CTNNA3: variants seen among roughly 807,000 people sequenced by gnomAD.
CTNNA3 encodes catenin alpha 3, also known as catenin alpha-3.
Under a neutral mutation model 95.7 loss-of-function variants are expected in CTNNA3, and 76 were observed. That is an observed-to-expected ratio of 0.79 (90% CI 0.66 to 0.96). The LOEUF (loss-of-function observed/expected upper bound fraction) is 0.96, where lower values mean the gene tolerates loss of function less well. Among genes scored for constraint, CTNNA3 ranks in the 40% least tolerant of loss-of-function variants. The pLI, the probability that CTNNA3 is intolerant of heterozygous loss-of-function variation, is 0.00. For synonymous variants in CTNNA3, 431 were observed against 374.4 expected, an observed-to-expected ratio of 1.15 and a Z score of -1.74; for missense variants, 1,191 against 1,089.8, an observed-to-expected ratio of 1.09 and a Z score of -1.31.
intron 12 of CTNNA3, among the ~76,000 whole-genome samples, chr10:66,321,157 T>C (rs539684455): frequency 1.3e-5 from 2 of 152,110 alleles, no homozygotes; most frequent in Admixed American, 1.3e-4. Context: ...ACTCAACTGA[T>C]CAATGATTTT....
chr10:66,093,954 A>G (rs2081300875), intron 14 of CTNNA3, among the ~76,000 whole-genome samples: 1 of 152,122 alleles, frequency 6.6e-6, no homozygotes, highest in South Asian at 2.1e-4. Flanking sequence ...GTGCTAAAAG[A>G]AGACAACATG....
At chr10:67,718,829 G>T (rs1841160888) in intron 1 of CTNNA3, among the ~76,000 whole-genome samples, 1 of 152,190 alleles carries the variant, frequency 6.6e-6, no homozygotes, top group South Asian at 2.1e-4. Context: ...AAATGAGTTA[G>T]GGAGGAGTGC....
At chr10:67,735,466 A>C (rs1841297732) in intron 1 of CTNNA3, among the ~76,000 whole-genome samples, 1 of 152,126 alleles carries the variant, frequency 6.6e-6, no homozygotes, top group Non-Finnish European at 1.5e-5. Flanking sequence ...AAAAACAAAA[A>C]ACTCAGATCA....
At chr10:66,548,082 C>G (rs532415157) in intron 10 of CTNNA3, among the ~76,000 whole-genome samples, 1 of 151,814 alleles carries the variant, frequency 6.6e-6, no homozygotes, top group African/African-American at 2.4e-5. Context: ...TGTCCGGCTC[C>G]CATTTTGTAT....
rs1278727121 is a variant in CTNNA3 at position 67,440,286 on chromosome 10, T to C, written c.579+81556A>G. ...AAGTGGAGGGAAGAGTGGGAAGGAC[T>C]TTGTCTTGTGGTTTGAGGGCAAGCT... On this transcript the variant is annotated intron_variant, in intron 5 of 17. Transcript: ENST00000433211. 2.6e-5 allele frequency among the ~76,000 whole-genome samples: 4 copies of C among 152,208 alleles called. No individual in the cohort carries two copies. In the East Asian group the frequency reaches 7.7e-4, roughly 29 times the overall value.
chr10:66,391,370 G>A (rs2092932547), intron 11 of CTNNA3, among the ~76,000 whole-genome samples: 1 of 152,044 alleles, frequency 6.6e-6, no homozygotes, highest in Admixed American at 6.6e-5. Context: ...GTCTTAAGTA[G>A]GCTCTTGTAA....
At chr10:66,556,851 G>A (rs975444011) in intron 10 of CTNNA3, among the ~76,000 whole-genome samples, 1 of 152,006 alleles carries the variant, frequency 6.6e-6, no homozygotes, top group African/African-American at 2.4e-5. Context: ...AAAAATTTCT[G>A]AGAGAATAGA....
intron 5 of CTNNA3, among the ~76,000 whole-genome samples, chr10:67,462,905 T>C (rs1847436618): frequency 6.8e-6 from 1 of 146,822 alleles, no homozygotes; most frequent in South Asian, 2.2e-4. Context: ...ATTTTTTTTC[T>C]TTTTCTTTTT....
Position 65,913,393 on chromosome 10 carries a change from T to C in CTNNA3, c.*6937A>G, listed in dbSNP as rs994830948. 1.3e-5 allele frequency: 2 copies of C among 152,188 alleles called. No homozygotes were observed. The highest frequency in any genetic ancestry group is 4.8e-5 in the African/African-American group (2 of 41,452). 9.4% of individuals were successfully genotyped at this position (152,188 alleles called of 1,614,324 possible). ...ATTGGGCATAAAATATGTCTACTTC[T>C]GTTTTCAGGAACTTGTTAGTCACGG... On this transcript the variant is annotated 3_prime_UTR_variant, in exon 18 of 18. Transcript: ENST00000433211.
At chr10:66,337,202 T>C (rs1445965633) in intron 12 of CTNNA3, among the ~76,000 whole-genome samples, 1 of 152,156 alleles carries the variant, frequency 6.6e-6, no homozygotes, top group Non-Finnish European at 1.5e-5. Flanking sequence ...ATGTCAGTTT[T>C]AGTATCTAAT....
At chr10:66,368,378 TC>T (rs781649066) in intron 12 of CTNNA3, among the ~76,000 whole-genome samples, 10 of 151,850 alleles carry the variant, frequency 6.6e-5, no homozygotes, top group Non-Finnish European at 1.3e-4. Context: ...TTCATCTATC[TC>T]CATGTTTCCA....
At chr10:67,075,824 C>T (rs906955339) in intron 7 of CTNNA3, among the ~76,000 whole-genome samples, 2 of 152,186 alleles carry the variant, frequency 1.3e-5, no homozygotes, top group African/African-American at 4.8e-5. Context: ...GCATGATAAG[C>T]AACACAGGAA....
Position 67,298,747 on chromosome 10 carries a change from G to A in CTNNA3, c.580-78877C>T, listed in dbSNP as rs182599078. Among the ~76,000 whole-genome samples, 9 of 152,242 alleles carry A rather than the reference G, an allele frequency of 5.9e-5. No individual in the cohort carries two copies. In the East Asian group the frequency reaches 1.5e-3, roughly 26 times the overall value. On this transcript the variant is annotated intron_variant, in intron 5 of 17. Coordinates refer to ENST00000433211, the MANE Select transcript of CTNNA3 (RefSeq NM_013266.4). ...AATGGAAAATAAAACAACTTCTAAA[G>A]GGCTGTGCTAGTTAGTTCCCATAAA...
At chr10:67,119,164 G>C (rs113800504) in intron 7 of CTNNA3, among the ~76,000 whole-genome samples, 8 of 151,916 alleles carry the variant, frequency 5.3e-5, no homozygotes, top group Non-Finnish European at 4.4e-5. Flanking sequence ...AGATATGTGT[G>C]AAGTACTGAG....
At position 67,559,674 on chromosome 10, in the gene CTNNA3, C is replaced by T. The variant is rs528040524; in HGVS notation, c.293-20005G>A. Among the ~76,000 whole-genome samples the T allele has an allele frequency of 1.0e-3, 157 of 150,560 alleles. 1 individual carries two copies. The highest frequency in any genetic ancestry group is 1.9e-3 in the Non-Finnish European group (125 of 66,870). ...TGACAAGTTGAGAGAAGGCTTCAGA[C>T]GATCAAACTACTCCGAGCTACAGGA... On this transcript the variant is annotated intron_variant, in intron 3 of 17. Coordinates refer to ENST00000433211, the MANE Select transcript of CTNNA3 (RefSeq NM_013266.4).
intron 7 of CTNNA3, among the ~76,000 whole-genome samples, chr10:67,157,052 G>C (rs902285967): frequency 7.2e-5 from 11 of 152,094 alleles, no homozygotes; most frequent in African/African-American, 2.4e-4. Context: ...TTCTCTCTTA[G>C]TACAGTTTTT....
chr10:65,951,034 A>G (rs2077601549), intron 17 of CTNNA3, among the ~76,000 whole-genome samples: 1 of 152,212 alleles, frequency 6.6e-6, no homozygotes, highest in African/African-American at 2.4e-5. Context: ...TTCTCAAATC[A>G]TAAACAATAT....
At chr10:66,262,710 A>C (rs2091041677) in intron 13 of CTNNA3, among the ~76,000 whole-genome samples, 1 of 152,054 alleles carries the variant, frequency 6.6e-6, no homozygotes, top group South Asian at 2.1e-4. Flanking sequence ...TCTGAGCTAG[A>C]GGGGTAGTGA....
chr10:67,022,221 G>C (rs1044365966), intron 7 of CTNNA3, among the ~76,000 whole-genome samples: 18 of 152,020 alleles, frequency 1.2e-4, no homozygotes, highest in African/African-American at 3.4e-4. Flanking sequence ...ATAAAAGATA[G>C]GAAATTCAAA....
Sources: gnomAD v4.1 joint callset for allele counts (sites outside exome capture counted in the v4.1 genomes callset) on GRCh38, gnomAD v4.1.1 for gene constraint, MANE v1.5 for transcripts, NCBI Gene and HGNC (gene_info 2026-07-23, HGNC 2026-07-21) for gene names.